The following NBAS variants were observed in gnomAD, a reference collection of about 807,000 sequenced individuals.
The protein encoded by NBAS is NAG/BC035112 fusion.
Under a neutral mutation model 302.5 loss-of-function variants are expected in NBAS, and 219 were observed. That is an observed-to-expected ratio of 0.72 (90% CI 0.65 to 0.81). The LOEUF is 0.81. Ranked by LOEUF, NBAS falls within the 30% of genes least tolerant of loss-of-function variation. The pLI is 0.00. For synonymous variants in NBAS, 1,118 were observed against 1,021.6 expected (o/e 1.09, Z -1.80); for missense variants, 2,932 against 2,841.6 (o/e 1.03, Z -0.72).
the NBAS span, among the ~76,000 whole-genome samples, chr2:14,868,017 C>CCTTG: frequency 2.6e-5 from 4 of 152,200 alleles, no homozygotes; most frequent in African/African-American, 7.2e-5. Flanking sequence ...TATTACTAGA[C>CCTTG]CTTGGCACTT....
intron 40 of NBAS, 77 bp from the exon 41 acceptor site, chr2:15,292,843 A>G: frequency 7.3e-7 from 1 of 1,371,666 alleles, no homozygotes; most frequent in Non-Finnish European, 1.0e-6. Context: ...ATGGAAGAAG[A>G]CCATGTCTGC....
chr2:15,242,423 TGTAAG>T (rs1344518610), intron 44 of NBAS, among the ~76,000 whole-genome samples: 1 of 152,186 alleles, frequency 6.6e-6, no homozygotes, highest in Non-Finnish European at 1.5e-5. Context: ...ATTAAAAATA[TGTAAG>T]GTGTTTTATT....
At chr2:14,796,919 C>CAAAAAAAAAAAAA in the NBAS span, among the ~76,000 whole-genome samples, 17 of 86,354 alleles carry the variant, frequency 2.0e-4, no homozygotes, top group African/African-American at 4.8e-4. Context: ...CTAAAAAATA[C>CAAAAAAAAAAAAA]AAAAAAAAAA....
intron 44 of NBAS, among the ~76,000 whole-genome samples, chr2:15,247,998 G>C (rs558127757): frequency 6.6e-6 from 1 of 151,996 alleles, no homozygotes; most frequent in Non-Finnish European, 1.5e-5. Flanking sequence ...AACAGAATAC[G>C]CATTCTTCTC....
At chr2:15,010,818 T>A in the NBAS span, among the ~76,000 whole-genome samples, 2 of 152,182 alleles carry the variant, frequency 1.3e-5, no homozygotes, top group African/African-American at 4.8e-5. Flanking sequence ...CATAGTTGAT[T>A]AATGGCAGAA....
intron 11 of NBAS, among the ~76,000 whole-genome samples, chr2:15,491,778 A>C (rs969597577): frequency 6.6e-6 from 1 of 152,062 alleles, no homozygotes; most frequent in African/African-American, 2.4e-5. Context: ...ACACAGGTTT[A>C]CCCATTTCTT....
intron 33 of NBAS, among the ~76,000 whole-genome samples, chr2:15,355,830 G>C (rs1260964758): frequency 6.6e-6 from 1 of 152,052 alleles, no homozygotes; most frequent in Non-Finnish European, 1.5e-5. Flanking sequence ...ACAGCTTGCA[G>C]AACTGTGAGC....
At chr2:15,406,470 G>T (rs181146681) in intron 25 of NBAS, among the ~76,000 whole-genome samples, 1 of 152,250 alleles carries the variant, frequency 6.6e-6, no homozygotes, top group Admixed American at 6.5e-5. Context: ...AGAAGAAAAC[G>T]TGAGAGAATT....
At chr2:15,142,582 C>A in the NBAS span, among the ~76,000 whole-genome samples, 43 of 152,350 alleles carry the variant, frequency 2.8e-4, no homozygotes, top group Non-Finnish European at 4.3e-4. Flanking sequence ...TGACTGGCAC[C>A]TTCCTGCATT....
At chr2:15,501,705 TTAA>T (rs1661575316) in intron 11 of NBAS, among the ~76,000 whole-genome samples, 1 of 150,858 alleles carries the variant, frequency 6.6e-6, no homozygotes, top group African/African-American at 2.4e-5. Context: ...GAACTAAATA[TTAA>T]TAATATGGTT....
At chr2:15,439,482 T>TAAA (rs763284660) in intron 21 of NBAS, among the ~76,000 whole-genome samples, 7 of 145,016 alleles carry the variant, frequency 4.8e-5, no homozygotes, top group African/African-American at 1.5e-4. Context: ...AGGGATAAAT[T>TAAA]AAAAAAAAAA....
At chr2:15,291,068 G>C (rs1412072804) in intron 41 of NBAS, among the ~76,000 whole-genome samples, 1 of 152,212 alleles carries the variant, frequency 6.6e-6, no homozygotes, top group East Asian at 1.9e-4. Flanking sequence ...TGTCAGGAGA[G>C]AAAAATAACC....
the NBAS span, among the ~76,000 whole-genome samples, chr2:14,793,887 G>A: frequency 2.0e-5 from 3 of 152,000 alleles, no homozygotes; most frequent in Non-Finnish European, 4.4e-5. Flanking sequence ...AAGGTTAGAA[G>A]GAAAAGGCAC....
chr2:15,301,694 A>G (rs1227457928), intron 40 of NBAS, among the ~76,000 whole-genome samples: 1 of 152,266 alleles, frequency 6.6e-6, no homozygotes, highest in Non-Finnish European at 1.5e-5. Flanking sequence ...AATAGAATAC[A>G]TGCGCTCTGA....
intron 32 of NBAS, among the ~76,000 whole-genome samples, chr2:15,362,920 C>CAGAA (rs921686678): frequency 6.6e-6 from 1 of 151,850 alleles, no homozygotes. Flanking sequence ...TGAGGTTTTC[C>CAGAA]AGAAAGAAAG....
At chr2:14,857,892 A>G in the NBAS span, among the ~76,000 whole-genome samples, 1 of 152,204 alleles carries the variant, frequency 6.6e-6, no homozygotes. Flanking sequence ...GACAACCCAT[A>G]GAATGGGAGA....
intron 47 of NBAS, 41 bp from the exon 48 acceptor site, chr2:15,219,009 C>G: frequency 6.2e-7 from 1 of 1,608,362 alleles, no homozygotes; most frequent in Non-Finnish European, 8.5e-7. Context: ...ACTCCTAAGC[C>G]TTTTATTTTC....
At chr2:15,107,423 G>T in the NBAS span, among the ~76,000 whole-genome samples, 7 of 152,216 alleles carry the variant, frequency 4.6e-5, no homozygotes, top group African/African-American at 1.7e-4. Context: ...TGGTATTTTT[G>T]CTAGGCAGCC....
chr2:15,448,117 G>C (rs1678838040), intron 21 of NBAS, among the ~76,000 whole-genome samples: 1 of 152,142 alleles, frequency 6.6e-6, no homozygotes, highest in Non-Finnish European at 1.5e-5. Context: ...TAAGAATAAA[G>C]TTTCAACATG....
Sources: allele counts gnomAD v4.1 joint callset (sites outside exome capture counted in the v4.1 genomes callset), GRCh38; gene constraint gnomAD v4.1.1; transcripts MANE v1.5; gene names NCBI Gene and HGNC (gene_info 2026-07-23, HGNC 2026-07-21).